CRTAC1: variants seen among roughly 807,000 people sequenced by gnomAD.
CRTAC1 encodes cartilage acidic protein 1.
CRTAC1 carries 37 observed loss-of-function variants against 67.8 expected under a neutral mutation model. The observed-to-expected ratio is 0.55, with a 90% CI of 0.42 to 0.72. The LOEUF is 0.72. CRTAC1 is among the 30% of genes least tolerant of loss of function. CRTAC1 has a pLI of 0.00. For synonymous variants in CRTAC1, 348 were observed against 371.0 expected, an observed-to-expected ratio of 0.94 and a Z score of 0.71; for missense variants, 780 against 931.6, an observed-to-expected ratio of 0.84 and a Z score of 2.12.
At chr10:97,923,897 G>C (rs188471660) in intron 3 of CRTAC1, among the ~76,000 whole-genome samples, 2 of 152,238 alleles carry the variant, frequency 1.3e-5, no homozygotes, top group Non-Finnish European at 2.9e-5. Flanking sequence ...CCTGAGGAAG[G>C]GGCTGGAAGT....
intron 2 of CRTAC1, among the ~76,000 whole-genome samples, chr10:97,961,430 A>G (rs1479153780): frequency 1.3e-5 from 2 of 152,184 alleles, no homozygotes; most frequent in Non-Finnish European, 2.9e-5. Context: ...TATTCTGTCT[A>G]CTTTTGTATA....
intron 3 of CRTAC1, 41 bp from the exon 4 acceptor site, chr10:97,923,441 CAGGG>C (rs769999292): frequency 6.2e-7 from 1 of 1,613,220 alleles, no homozygotes; most frequent in East Asian, 2.2e-5. Context: ...GACAGTGGAT[CAGGG>C]TCTTGGTTCT....
intron 1 of CRTAC1, among the ~76,000 whole-genome samples, chr10:98,026,779 T>G (rs1396712149): frequency 6.6e-6 from 1 of 152,172 alleles, no homozygotes; most frequent in Non-Finnish European, 1.5e-5. Context: ...AATTCTGGCT[T>G]GGCAGCAGTG....
chr10:97,922,620 C>T (rs1397279361), intron 4 of CRTAC1, among the ~76,000 whole-genome samples: 2 of 152,254 alleles, frequency 1.3e-5, no homozygotes, highest in Non-Finnish European at 2.9e-5. Flanking sequence ...CGGCTGCCCC[C>T]TCACCGGGCA....
intron 11 of CRTAC1, among the ~76,000 whole-genome samples, chr10:97,887,482 A>G (rs2050303222): frequency 6.6e-6 from 1 of 152,088 alleles, no homozygotes; most frequent in Non-Finnish European, 1.5e-5. Flanking sequence ...ACCTCAGGTG[A>G]TCCACCCAGC....
chr10:97,924,348 G>C (rs1184765938), intron 3 of CRTAC1, among the ~76,000 whole-genome samples: 1 of 152,194 alleles, frequency 6.6e-6, no homozygotes, highest in African/African-American at 2.4e-5. Context: ...GGCTGGACAG[G>C]AAACACAGGG....
intron 2 of CRTAC1, among the ~76,000 whole-genome samples, chr10:97,943,332 C>T (rs2051208632): frequency 3.3e-5 from 5 of 152,146 alleles, no homozygotes. Context: ...AAGACACCTA[C>T]CCATATAAAG....
chr10:97,881,921 G>A (rs960485986), intron 13 of CRTAC1, among the ~76,000 whole-genome samples: 1 of 152,058 alleles, frequency 6.6e-6, no homozygotes, highest in Non-Finnish European at 1.5e-5. Flanking sequence ...ACCCTCCCTA[G>A]GCTGGTTTAG....
chr10:97,943,082 A>G (rs930590981), intron 2 of CRTAC1, among the ~76,000 whole-genome samples: 4 of 152,108 alleles, frequency 2.6e-5, no homozygotes, highest in Non-Finnish European at 4.4e-5. Context: ...CAAAAAAAAA[A>G]AGTGAAAAGT....
chr10:97,893,360 T>G (rs2050404594), intron 11 of CRTAC1, among the ~76,000 whole-genome samples: 1 of 152,198 alleles, frequency 6.6e-6, no homozygotes, highest in South Asian at 2.1e-4. Flanking sequence ...TCATGAGGTG[T>G]GAACACCTGG....
intron 2 of CRTAC1, among the ~76,000 whole-genome samples, chr10:97,998,927 T>G (rs562611002): frequency 6.6e-6 from 1 of 152,226 alleles, no homozygotes; most frequent in South Asian, 2.1e-4. Flanking sequence ...GTATGTAAAG[T>G]TTCAAAGTAA....
intron 1 of CRTAC1, among the ~76,000 whole-genome samples, chr10:98,016,391 C>A (rs1313453450): frequency 6.6e-6 from 1 of 152,156 alleles, no homozygotes; most frequent in Non-Finnish European, 1.5e-5. Context: ...TGCAATTTGT[C>A]ATAGGTGTTT....
chr10:98,012,520 T>G (rs910293804), intron 1 of CRTAC1, among the ~76,000 whole-genome samples: 12 of 150,848 alleles, frequency 8.0e-5, no homozygotes, highest in Non-Finnish European at 1.8e-4. Context: ...TAGATGGAAC[T>G]TTTCCTGCTG....
intron 2 of CRTAC1, 65 bp from the exon 3 acceptor site, chr10:97,936,431 C>T: frequency 7.3e-7 from 1 of 1,377,280 alleles, no homozygotes; most frequent in Non-Finnish European, 1.0e-6. Flanking sequence ...CCCATCCAAC[C>T]AGAGCAACGG....
intron 2 of CRTAC1, among the ~76,000 whole-genome samples, chr10:97,980,856 A>T (rs916351120): frequency 1.3e-5 from 2 of 152,224 alleles, no homozygotes. Context: ...CTATTCTTGG[A>T]TGGAGAGCGG....
chr10:98,003,563 C>T (rs966503446), intron 2 of CRTAC1, among the ~76,000 whole-genome samples: 1 of 152,242 alleles, frequency 6.6e-6, no homozygotes, highest in Non-Finnish European at 1.5e-5. Flanking sequence ...CTTCTGCCTC[C>T]TCTTCTCCCA....
chr10:97,890,625 A>G (rs1401558122), intron 11 of CRTAC1, among the ~76,000 whole-genome samples: 1 of 149,428 alleles, frequency 6.7e-6, no homozygotes, highest in East Asian at 2.0e-4. Flanking sequence ...TGCACTCCCA[A>G]TCCATTCCTC....
intron 14 of CRTAC1, 121 bp downstream of exon 14, chr10:97,880,128 G>A (rs2050192502): frequency 1.7e-6 from 2 of 1,211,318 alleles, no homozygotes. Context: ...ATGGGTCAAA[G>A]GAGACTCTAT....
intron 2 of CRTAC1, among the ~76,000 whole-genome samples, chr10:97,950,244 CACAGAGAG>C (rs1395219672): frequency 4.2e-4 from 47 of 112,182 alleles, no homozygotes; most frequent in African/African-American, 1.8e-3. Context: ...CACACACACA[CACAGAGAG>C]AGAGAGAGAG....
Sources: gnomAD v4.1 joint callset for allele counts (sites outside exome capture counted in the v4.1 genomes callset) on GRCh38, gnomAD v4.1.1 for gene constraint, MANE v1.5 for transcripts, NCBI Gene and HGNC (gene_info 2026-07-23, HGNC 2026-07-21) for gene names.